The following CYSTM1 variants were observed in gnomAD, a reference collection of about 807,000 sequenced individuals.
CYSTM1 encodes cysteine-rich transmembrane module-containing protein 1.
Under a neutral mutation model 13.1 loss-of-function variants are expected in CYSTM1, and 4 were observed. That is an observed-to-expected ratio of 0.31 (90% CI 0.15 to 0.70). The LOEUF (loss-of-function observed/expected upper bound fraction) is 0.70, where lower values mean the gene tolerates loss of function less well. Among genes scored for constraint, CYSTM1 ranks in the 30% least tolerant of loss-of-function variants. The pLI is 0.72. For missense variants in CYSTM1, 96 were observed against 121.6 expected (o/e 0.79, Z 0.99); for synonymous variants, 36 against 42.7 (o/e 0.84, Z 0.62).
chr5:140,224,216 C>CTT (rs1764523361), intron 2 of CYSTM1, among the ~76,000 whole-genome samples: 1 of 152,012 alleles, frequency 6.6e-6, no homozygotes, highest in African/African-American at 2.4e-5. Flanking sequence ...CTCGGCTCAC[C>CTT]GCAACCTCTG....
chr5:140,216,597 A>C (rs1393458003), intron 2 of CYSTM1, among the ~76,000 whole-genome samples: 1 of 152,140 alleles, frequency 6.6e-6, no homozygotes, highest in Non-Finnish European at 1.5e-5. Flanking sequence ...TCTCCAGGAA[A>C]TATTTACTTT....
rs911043297 is a variant in CYSTM1 at position 140,230,507 on chromosome 5, GTACAATAATCTCTTCATGC to G, written c.188-12794_188-12776del. On this transcript the variant is annotated intron_variant, in intron 2 of 2. Transcript: ENST00000261811. This position sits in a 1 kb window ranked among gnomAD's most constrained non-coding sequence, Gnocchi z 4.1. ...AGAGGTTTGGAAAGTCCTGGGGCAT[GTACAATAATCTCTTCATGC>G]TACCTCTTGGATCCCATGTGCAAAT... 1.3e-5 allele frequency among the ~76,000 whole-genome samples: 2 copies of G among 152,292 alleles called. No individual in the cohort carries two copies. The highest frequency in any genetic ancestry group is 4.8e-5 in the African/African-American group (2 of 41,548).
intron 2 of CYSTM1, among the ~76,000 whole-genome samples, chr5:140,234,304 T>C (rs111935519): frequency 1.0e-4 from 16 of 152,384 alleles, no homozygotes; most frequent in African/African-American, 3.4e-4. Context: ...ATTCCTTTGA[T>C]CTATGTGTCT....
intron 2 of CYSTM1, among the ~76,000 whole-genome samples, chr5:140,241,528 G>C (rs886251385): frequency 2.0e-5 from 3 of 152,238 alleles, no homozygotes; most frequent in African/African-American, 7.2e-5. Flanking sequence ...GCCTGCACAT[G>C]AATCAAGCAG....
At position 140,230,011 on chromosome 5, in the gene CYSTM1, C is replaced by T. The variant is rs541167121; in HGVS notation, c.188-13294C>T. The stretch of plus-strand genomic sequence containing the variant: ...TCAGCCTCCCAAGTAGCTGGAACTA[C>T]AGGCATGCACCACCATGCCCAGCTA... On this transcript the variant is annotated intron_variant, in intron 2 of 2. Transcript: ENST00000261811. The surrounding 1 kb of genome is among the most constrained non-coding windows in gnomAD (Gnocchi z 4.1). Among the ~76,000 whole-genome samples the T allele has an allele frequency of 6.0e-4, 91 of 152,364 alleles. No individual in the cohort carries two copies. The Middle Eastern group carries it at 0.02, about 34-fold the overall frequency.
At chr5:140,209,752 G>T (rs986925672) in intron 2 of CYSTM1, among the ~76,000 whole-genome samples, 16 of 151,962 alleles carry the variant, frequency 1.1e-4, no homozygotes, top group African/African-American at 3.9e-4. Context: ...TAGAGACAGG[G>T]TTTCACCATG....
At chr5:140,204,404 G>C (rs1013121372) in intron 2 of CYSTM1, among the ~76,000 whole-genome samples, 1 of 152,060 alleles carries the variant, frequency 6.6e-6, no homozygotes, top group Non-Finnish European at 1.5e-5. Context: ...CTGATCCCAG[G>C]CTAAGTGCAT....
chr5:140,203,962 A>G (rs1230513050), intron 2 of CYSTM1, among the ~76,000 whole-genome samples: 1 of 152,198 alleles, frequency 6.6e-6, no homozygotes, highest in Non-Finnish European at 1.5e-5. Context: ...TAGGAGTAAG[A>G]CGAACCCATT....
chr5:140,220,809 T>G (rs1264266117), intron 2 of CYSTM1, among the ~76,000 whole-genome samples: 1 of 152,036 alleles, frequency 6.6e-6, no homozygotes, highest in East Asian at 1.9e-4. Context: ...CAGAGTGGAC[T>G]TACTGTTTTG....
At chr5:140,225,366 C>T (rs1268533845) in intron 2 of CYSTM1, among the ~76,000 whole-genome samples, 1 of 152,168 alleles carries the variant, frequency 6.6e-6, no homozygotes, top group Non-Finnish European at 1.5e-5. Flanking sequence ...GTTGTTTAGG[C>T]CTTCAATCAG....
intron 2 of CYSTM1, among the ~76,000 whole-genome samples, chr5:140,229,220 A>C (rs1764593578): frequency 6.6e-6 from 1 of 151,692 alleles, no homozygotes; most frequent in African/African-American, 2.4e-5. Flanking sequence ...TTTGGAATGG[A>C]GTCTTGCTCT....
chr5:140,177,352 C>G (rs990416597), intron 1 of CYSTM1, among the ~76,000 whole-genome samples: 1 of 151,984 alleles, frequency 6.6e-6, no homozygotes, highest in East Asian at 1.9e-4. Context: ...AGTGCAGTGT[C>G]GAGATCTTGG....
At chr5:140,208,642 A>G (rs928265141) in intron 2 of CYSTM1, among the ~76,000 whole-genome samples, 1 of 152,214 alleles carries the variant, frequency 6.6e-6, no homozygotes, top group Non-Finnish European at 1.5e-5. Flanking sequence ...CCCATTCTCT[A>G]TGATGCATTA....
intron 2 of CYSTM1, among the ~76,000 whole-genome samples, chr5:140,235,687 G>C (rs1330457253): frequency 1.3e-5 from 2 of 152,206 alleles, no homozygotes; most frequent in African/African-American, 4.8e-5. Context: ...TTACAGGCGT[G>C]AGCCACCGCA....
intron 1 of CYSTM1, among the ~76,000 whole-genome samples, chr5:140,181,375 T>G (rs993864626): frequency 3.9e-5 from 6 of 152,216 alleles, no homozygotes; most frequent in African/African-American, 1.4e-4. Flanking sequence ...AATCTAATCT[T>G]TGATCGCAGT....
intron 1 of CYSTM1, among the ~76,000 whole-genome samples, chr5:140,178,466 T>TTTTTTTTTC (rs1491141331): frequency 9.0e-6 from 1 of 111,170 alleles, no homozygotes; most frequent in African/African-American, 3.6e-5. Flanking sequence ...TTTTTTTTTT[T>TTTTTTTTTC]CAGAAACAGG....
chr5:140,183,260 TC>T (rs1039873642), intron 1 of CYSTM1, among the ~76,000 whole-genome samples: 16 of 152,126 alleles, frequency 1.1e-4, no homozygotes, highest in African/African-American at 3.9e-4. Context: ...GCAGAGTTCT[TC>T]CCTTTTCTCT....
Position 140,196,758 on chromosome 5 carries a change from AG to A in CYSTM1, c.187+2107del, listed in dbSNP as rs143693520. Reference sequence around the variant, plus strand: ...TGTGATGAATAAAAGAAAGCAGAAAAGACTACATATGGTATGATTCCATTTA... The same window carrying A: ...TGTGATGAATAAAAGAAAGCAGAAAAACTACATATGGTATGATTCCATTTA... On this transcript the variant is annotated intron_variant, in intron 2 of 2. Coordinates refer to ENST00000261811, the MANE Select transcript of CYSTM1 (RefSeq NM_032412.4). Among the ~76,000 whole-genome samples the A allele has an allele frequency of 9.2e-3, 1,406 of 152,356 alleles. 24 individuals carry two copies. Among genetic ancestry groups the A allele is most frequent in the African/African-American group, 0.032 (1,350 of 41,576 alleles).
At chr5:140,179,717 A>T (rs1763940923) in intron 1 of CYSTM1, among the ~76,000 whole-genome samples, 1 of 149,400 alleles carries the variant, frequency 6.7e-6, no homozygotes, top group African/African-American at 2.5e-5. Context: ...CCGGAGTGCA[A>T]TGGCACGATC....
Sources: gnomAD v4.1 joint callset for allele counts (sites outside exome capture counted in the v4.1 genomes callset) on GRCh38, gnomAD v4.1.1 for gene constraint, Gnocchi (gnomAD v3.1) non-coding constraint, MANE v1.5 for transcripts, NCBI Gene and HGNC (gene_info 2026-07-23, HGNC 2026-07-21) for gene names.